ZGRF1: variants seen among roughly 807,000 people sequenced by gnomAD.
ZGRF1 encodes the protein zinc finger GRF-type containing 1, also known as 5'-3' DNA helicase ZGRF1.
ZGRF1 carries 196 observed loss-of-function variants against 203.5 expected under a neutral mutation model. The observed-to-expected ratio is 0.96, with a 90% confidence interval of 0.86 to 1.08. The LOEUF (loss-of-function observed/expected upper bound fraction) is 1.08, where lower values mean the gene tolerates loss of function less well. Ranked by LOEUF, ZGRF1 falls within the 50% of genes least tolerant of loss-of-function variation. ZGRF1 has a pLI of 0.00. For synonymous variants in ZGRF1, 809 were observed against 841.3 expected, an observed-to-expected ratio of 0.96 and a Z score of 0.66; for missense variants, 2,326 against 2,416.3, an observed-to-expected ratio of 0.96 and a Z score of 0.78.
In ZGRF1 at chr4:112,560,813, G is replaced by C; in HGVS notation, c.4880C>G (p.Ala1627Gly). The C allele has an allele frequency of 6.2e-7, 1 of 1,612,274 alleles. No individual in the cohort carries two copies. Among genetic ancestry groups the C allele is most frequent in the Non-Finnish European group, 8.5e-7 (1 of 1,178,486 alleles). ...GCTTTCATGTGATGCCATCATTTGA[G>C]CTATTTGAATTAGAGCTGTAGCTTG... ...KDQATALIQI[A>G]QMMASHESIE... Residue 1627 changes from alanine to glycine, a missense_variant, in exon 19 of 28, where the codon GCT (alanine) becomes GGT (glycine). By Grantham distance (60) the Ala-to-Gly change is moderately conservative. Transcript: ENST00000505019.
At chr4:112,553,395 A>G (rs1285015024) in intron 22 of ZGRF1, among the ~76,000 whole-genome samples, 1 of 152,264 alleles carries the variant, frequency 6.6e-6, no homozygotes, top group Non-Finnish European at 1.5e-5. Context: ...TCTTGGATAT[A>G]TACAAACACT....
At position 112,560,810 on chromosome 4, in the gene ZGRF1, T is replaced by C; in HGVS notation, c.4883A>G (p.Gln1628Arg). 4 of 1,612,648 alleles carry C rather than the reference T, an allele frequency of 2.5e-6. No individual in the cohort carries two copies. ...DQATALIQIA[Q>R]MMASHESIEE... ...AATGCTTTCATGTGATGCCATCATT[T>C]GAGCTATTTGAATTAGAGCTGTAGC... The change falls in exon 19 of 28, where the codon CAA becomes CGA. Residue 1628 changes from glutamine (Q) to arginine (R), a missense_variant. By Grantham distance (43) the Gln-to-Arg change is conservative. Transcript: ENST00000505019.
chr4:112,631,284 G>A (rs1389780086), intron 3 of ZGRF1, among the ~76,000 whole-genome samples: 3 of 152,038 alleles, frequency 2.0e-5, no homozygotes, highest in Non-Finnish European at 4.4e-5. Context: ...TTACAGGTAT[G>A]AGCCATGATG....
At chr4:112,627,976 C>T (rs532449183) in intron 3 of ZGRF1, among the ~76,000 whole-genome samples, 20 of 152,262 alleles carry the variant, frequency 1.3e-4, no homozygotes, top group African/African-American at 4.8e-4. Flanking sequence ...GACTAGGATA[C>T]AATCTTCAGC....
rs1737214981 is a variant in ZGRF1, at chr4:112,539,921, T to C, written c.6114A>G (p.Gly2038=). 1 of 1,613,918 alleles carries C rather than the reference T, an allele frequency of 6.2e-7. No homozygotes were observed. The highest frequency in any genetic ancestry group is 8.5e-7 in the Non-Finnish European group (1 of 1,179,818). The change falls in exon 27 of 28, where the codon GGA becomes GGG. Residue 2038 remains glycine (G), a synonymous_variant. Coordinates refer to ENST00000505019, the MANE Select transcript of ZGRF1 (RefSeq NM_018392.5). ...TRGKRHLLIV[G]NLACLRKNQL... The stretch of plus-strand genomic sequence containing the variant: ...GATTTTTCCTCAAACAGGCTAAATT[T>C]CCCACAATCAACAAATGCCTCTTTC...
At chr4:112,588,181 T>C (rs1216004747) in intron 11 of ZGRF1, among the ~76,000 whole-genome samples, 1 of 152,108 alleles carries the variant, frequency 6.6e-6, no homozygotes, top group African/African-American at 2.4e-5. Context: ...CCTTTTTTTT[T>C]CCTAATTACT....
intron 22 of ZGRF1, among the ~76,000 whole-genome samples, chr4:112,552,812 C>A (rs1740208341): frequency 6.6e-6 from 1 of 152,154 alleles, no homozygotes; most frequent in Admixed American, 6.5e-5. Context: ...TATTTCCCTG[C>A]CTCACTGATG....
Position 112,540,876 on chromosome 4 carries a change from C to T in ZGRF1, c.5855G>A (p.Gly1952Glu), listed in dbSNP as rs1737430581. 2 of 1,591,226 alleles carry T rather than the reference C, an allele frequency of 1.3e-6. No individual in the cohort carries two copies. Among genetic ancestry groups the T allele is most frequent in the African/African-American group, 2.7e-5 (2 of 74,556 alleles). Residue 1952 changes from glycine (G) to glutamate (E), a missense_variant, in exon 26 of 28, where the codon GGA becomes GAA. Coordinates refer to ENST00000505019, the MANE Select transcript of ZGRF1 (RefSeq NM_018392.5). ...CACACCAATCATAGAGCCTGCTATT[C>T]CACTTGCAATCAGTGATTGAATCAG... is the stretch of plus-strand genomic sequence containing the variant. ...LKLIQSLIAS[G>E]IAGSMIGVIT...
chr4:112,588,107 A>T (rs145145617), intron 11 of ZGRF1, among the ~76,000 whole-genome samples, 178 bp from the exon 12 acceptor site: 164 of 152,248 alleles, frequency 1.1e-3, no homozygotes, highest in Admixed American at 3.0e-3. Flanking sequence ...TAAAGATTTC[A>T]AAGCTTAATT....
chr4:112,634,630 G>A lies in ZGRF1; in HGVS notation c.-66-1388C>T, dbSNP rs563292823. On this transcript the variant is annotated intron_variant, in intron 1 of 27. Transcript: ENST00000505019. ...CACGCCACTGCACTCCAGCCTGGGC[G>A]ACAAGAGCAAAACTGTCTCAAAAAA... Among the ~76,000 whole-genome samples, 42 of 151,410 alleles carry A rather than the reference G, an allele frequency of 2.8e-4. 1 individual carries two copies. In the East Asian group the frequency reaches 4.3e-3, roughly 15 times the overall value.
At position 112,557,417 on chromosome 4, in the gene ZGRF1, T is replaced by C. The variant is rs113086499; in HGVS notation, c.5120+733A>G. Among the ~76,000 whole-genome samples the C allele has an allele frequency of 4.3e-4, 66 of 152,304 alleles. 1 individual carries two copies. In the Middle Eastern group the frequency reaches 0.01, roughly 24 times the overall value. The stretch of plus-strand genomic sequence containing the variant: ...GTTGAACTTCTGACATCAAGTGATC[T>C]GCCTGCATTGGCCTCCCAAAGCACT... On this transcript the variant is annotated intron_variant, in intron 20 of 27. Coordinates refer to ENST00000505019, the MANE Select transcript of ZGRF1 (RefSeq NM_018392.5).
intron 10 of ZGRF1, among the ~76,000 whole-genome samples, chr4:112,601,203 G>T (rs1452670112): frequency 6.6e-6 from 1 of 151,884 alleles, no homozygotes; most frequent in African/African-American, 2.4e-5. Flanking sequence ...TTGAGCCCAG[G>T]AGTTCAAAAC....
At chr4:112,555,291 G>A (rs1427331164) in intron 20 of ZGRF1, among the ~76,000 whole-genome samples, 3 of 152,194 alleles carry the variant, frequency 2.0e-5, no homozygotes, top group South Asian at 2.1e-4. Flanking sequence ...TTATCCCCCA[G>A]TTAGGGCTTT....
chr4:112,589,575 A>C, intron 11 of ZGRF1, 149 bp downstream of exon 11: 1 of 671,444 alleles, frequency 1.5e-6, no homozygotes, highest in Non-Finnish European at 2.6e-6. Flanking sequence ...TATGATAGAA[A>C]AAGTTCAAAG....
intron 22 of ZGRF1, among the ~76,000 whole-genome samples, chr4:112,550,714 G>C (rs562922868): frequency 2.0e-5 from 3 of 152,122 alleles, no homozygotes; most frequent in Non-Finnish European, 4.4e-5. Flanking sequence ...TTAGCCAGGC[G>C]TAGTGGCAGG....
chr4:112,563,120 G>A lies in ZGRF1; in HGVS notation c.4582+11C>T. 1 of 1,542,678 alleles carries A rather than the reference G, an allele frequency of 6.5e-7. No individual in the cohort carries two copies. The highest frequency in any genetic ancestry group is 8.8e-7 in the Non-Finnish European group (1 of 1,140,676). On this transcript the variant is annotated intron_variant, in intron 17 of 27. Transcript: ENST00000505019. ...TTAAATATAAACTAAAATGAGCATA[G>A]TAATACTCACTGTTAGTGGGCCAAT...
chr4:112,577,996 C>A (rs1745543385), intron 16 of ZGRF1, among the ~76,000 whole-genome samples: 1 of 122,552 alleles, frequency 8.2e-6, no homozygotes, highest in African/African-American at 2.8e-5. Context: ...AGCACCACAC[C>A]ACACCTATTC....
Position 112,558,308 on chromosome 4 carries a change from A to G in ZGRF1, c.4962T>C (p.Gly1654=), listed in dbSNP as rs1445519612. The G allele has an allele frequency of 6.6e-7, 1 of 1,507,320 alleles. No homozygotes were observed. The highest frequency in any genetic ancestry group is 2.6e-5 in the Admixed American group (1 of 39,100). The allele number at this position is 1,507,320 out of a possible 1,614,324, so 93.4% of individuals were successfully genotyped here. The change falls in exon 20 of 28, where the codon GGT becomes GGC. Residue 1654 remains glycine, a splice_region_variant and synonymous_variant. Transcript: ENST00000505019. The stretch of plus-strand genomic sequence containing the variant: ...AGTAACTCTTTCCTGCTCCAAACAC[A>G]CCTAATTATTTTAAAAGAAGAAAAA... The part of the protein sequence containing the change: ...THTFPITIIH[G]VFGAGKSYLL...
intron 1 of ZGRF1, among the ~76,000 whole-genome samples, chr4:112,635,708 C>A (rs1193033872): frequency 1.2e-4 from 18 of 150,560 alleles, no homozygotes; most frequent in Admixed American, 1.2e-3. Context: ...TACTATGTAT[C>A]AGGCAGGAAT....
Sources: gnomAD v4.1 joint callset for allele counts (sites outside exome capture counted in the v4.1 genomes callset) on GRCh38, gnomAD v4.1.1 for gene constraint, MANE v1.5 for transcripts, NCBI Gene and HGNC (gene_info 2026-07-23, HGNC 2026-07-21) for gene names.